Variants in CNTN4 observed in about 807,000 individuals in gnomAD.
The protein encoded by CNTN4 is contactin-4.
CNTN4 carries 77 observed loss-of-function variants against 122.5 expected under a neutral mutation model. The observed-to-expected ratio is 0.63, with a 90% CI of 0.52 to 0.76. CNTN4 has a LOEUF of 0.76. CNTN4 is among the 30% of genes least tolerant of loss of function. The probability of loss-of-function intolerance (pLI) is 0.00; values close to 1 mark genes in which losing one functional copy is unlikely to be tolerated. For missense variants in CNTN4, 1,256 were observed against 1,259.1 expected, an observed-to-expected ratio of 1.00 and a Z score of 0.04; for synonymous variants, 512 against 447.0, an observed-to-expected ratio of 1.15 and a Z score of -1.83.
intron 2 of CNTN4, among the ~76,000 whole-genome samples, chr3:2,221,493 T>G (rs2039058719): frequency 6.6e-6 from 1 of 151,356 alleles, no homozygotes; most frequent in Non-Finnish European, 1.5e-5. Flanking sequence ...GATTAGGCAT[T>G]CTCTTGAGAT....
chr3:2,879,159 T>G (rs1298605349), intron 8 of CNTN4, among the ~76,000 whole-genome samples: 1 of 152,146 alleles, frequency 6.6e-6, no homozygotes, highest in African/African-American at 2.4e-5. Flanking sequence ...AGATCCAATA[T>G]GACTGGTGTC....
intron 4 of CNTN4, among the ~76,000 whole-genome samples, chr3:2,572,171 C>G (rs1429112578): frequency 6.6e-6 from 1 of 152,044 alleles, no homozygotes; most frequent in Non-Finnish European, 1.5e-5. Context: ...GTGGATCACC[C>G]GAGGTCAGAA....
At chr3:3,023,829 T>C (rs745517148) in intron 14 of CNTN4, among the ~76,000 whole-genome samples, 28 of 152,094 alleles carry the variant, frequency 1.8e-4, no homozygotes, top group Non-Finnish European at 4.1e-4. Flanking sequence ...CACATAGGAG[T>C]GTAAATTGCT....
chr3:2,613,941 T>C (rs1217966771), intron 4 of CNTN4, among the ~76,000 whole-genome samples: 4 of 152,102 alleles, frequency 2.6e-5, no homozygotes, highest in African/African-American at 9.7e-5. Flanking sequence ...GTACCTTCTA[T>C]GTGCTGACCG....
intron 12 of CNTN4, among the ~76,000 whole-genome samples, chr3:2,903,560 G>A (rs1425933965): frequency 6.6e-6 from 1 of 152,128 alleles, no homozygotes; most frequent in African/African-American, 2.4e-5. Flanking sequence ...TACATACTGA[G>A]TGCATCGTCT....
intron 2 of CNTN4, among the ~76,000 whole-genome samples, chr3:2,287,718 GAAGAAGAAGAAGAAGAAGAAGAAGAAGAA>G (rs2041982515): frequency 1.1e-3 from 81 of 75,112 alleles, no homozygotes; most frequent in Middle Eastern, 7.1e-3. Context: ...AGAGGAAGAA[GAAGAAGAAGAAGAAGAAGAAGAAGAAGAA>G]GAAGAAGAAG....
At chr3:2,690,313 A>G (rs553231219) in intron 4 of CNTN4, among the ~76,000 whole-genome samples, 2 of 152,268 alleles carry the variant, frequency 1.3e-5, no homozygotes, top group African/African-American at 4.8e-5. Context: ...TCAAGAGGCA[A>G]AGGTGGCTGG....
chr3:2,702,664 C>G (rs1301677181), intron 4 of CNTN4, among the ~76,000 whole-genome samples: 1 of 152,132 alleles, frequency 6.6e-6, no homozygotes. Flanking sequence ...TGAGCTCCCT[C>G]CAGAAAGAAA....
chr3:2,927,933 C>A (rs552714832), intron 13 of CNTN4, among the ~76,000 whole-genome samples: 4 of 152,270 alleles, frequency 2.6e-5, no homozygotes, highest in Non-Finnish European at 4.4e-5. Flanking sequence ...CAGTTCTGAT[C>A]CTCGTTCCCA....
chr3:2,361,965 A>T lies in CNTN4; in HGVS notation c.-89+22732A>T, dbSNP rs9863721. On this transcript the variant is annotated intron_variant, in intron 3 of 24. Coordinates refer to ENST00000418658, the MANE Select transcript of CNTN4 (RefSeq NM_175607.3). ...TATGGTCAGCAGAAACACAGAAACTATAGAAAGACCTGAGTTGGAGGGGTC... is the reference window on the plus strand; with the variant it reads ...TATGGTCAGCAGAAACACAGAAACTTTAGAAAGACCTGAGTTGGAGGGGTC... 2.5e-3 allele frequency among the ~76,000 whole-genome samples: 374 copies of T among 152,314 alleles called. 4 individuals are homozygous for T. The highest frequency in any genetic ancestry group is 8.5e-3 in the African/African-American group (353 of 41,572).
At chr3:2,358,805 TA>T (rs1444254434) in intron 3 of CNTN4, among the ~76,000 whole-genome samples, 1 of 152,230 alleles carries the variant, frequency 6.6e-6, no homozygotes, top group Non-Finnish European at 1.5e-5. Context: ...AATTATTTTT[TA>T]TTCCAATATA....
intron 2 of CNTN4, among the ~76,000 whole-genome samples, chr3:2,293,507 A>AT (rs1343924618): frequency 6.6e-6 from 1 of 152,154 alleles, no homozygotes; most frequent in East Asian, 1.9e-4. Context: ...AAGTTACTTA[A>AT]TTTCCCTGTG....
chr3:2,619,175 G>A (rs896327486), intron 4 of CNTN4, among the ~76,000 whole-genome samples: 6 of 152,102 alleles, frequency 3.9e-5, no homozygotes, highest in African/African-American at 9.7e-5. Flanking sequence ...ACTCCCTGTC[G>A]TCTCAGAAGC....
chr3:2,561,248 A>G (rs2078940430), intron 3 of CNTN4, among the ~76,000 whole-genome samples: 1 of 152,114 alleles, frequency 6.6e-6, no homozygotes, highest in Non-Finnish European at 1.5e-5. Context: ...ATTAACAGTC[A>G]TTTATTTGGG....
chr3:2,500,345 G>T (rs912557815), intron 3 of CNTN4, among the ~76,000 whole-genome samples: 1 of 151,966 alleles, frequency 6.6e-6, no homozygotes, highest in Admixed American at 6.6e-5. Flanking sequence ...GTCAGTAATT[G>T]TGTAGATTTC....
chr3:2,103,791 A>G (rs1574828213), intron 2 of CNTN4, among the ~76,000 whole-genome samples: 1 of 152,324 alleles, frequency 6.6e-6, no homozygotes, highest in South Asian at 2.1e-4. Flanking sequence ...ACCGTCTAAA[A>G]GAAAATGGTC....
chr3:2,180,171 C>G (rs927333620), intron 2 of CNTN4, among the ~76,000 whole-genome samples: 1 of 151,934 alleles, frequency 6.6e-6, no homozygotes, highest in African/African-American at 2.4e-5. Context: ...ATTTCCTAAT[C>G]TGGTAAATAA....
At chr3:2,259,591 A>G (rs923567427) in intron 2 of CNTN4, among the ~76,000 whole-genome samples, 1 of 152,192 alleles carries the variant, frequency 6.6e-6, no homozygotes, top group Non-Finnish European at 1.5e-5. Context: ...CACATCTTAC[A>G]TGGCTGCAGG....
chr3:3,018,624 A>G (rs1697991161), intron 14 of CNTN4, among the ~76,000 whole-genome samples: 2 of 152,210 alleles, frequency 1.3e-5, no homozygotes, highest in African/African-American at 4.8e-5. Context: ...AAGTTGATTA[A>G]GCAAATTAGG....
Sources: allele counts gnomAD v4.1 joint callset (sites outside exome capture counted in the v4.1 genomes callset), GRCh38; gene constraint gnomAD v4.1.1; transcripts MANE v1.5; gene names NCBI Gene and HGNC (gene_info 2026-07-23, HGNC 2026-07-21).